WDSUB1: variants seen among roughly 807,000 people sequenced by gnomAD.
The protein encoded by WDSUB1 is WD repeat, SAM and U-box domain-containing protein 1.
In WDSUB1, 49 loss-of-function variants were observed where a neutral mutation model predicts 53.9. That is an observed-to-expected ratio of 0.91 (90% CI 0.72 to 1.15). WDSUB1 has a LOEUF of 1.15. WDSUB1 is among the 50% of genes most tolerant of loss of function. The pLI is 0.00. For synonymous variants in WDSUB1, 194 were observed against 200.6 expected (o/e 0.97, Z 0.28); for missense variants, 514 against 562.0 (o/e 0.91, Z 0.86).
At chr2:159,266,938 T>C (rs932752101) in intron 5 of WDSUB1, among the ~76,000 whole-genome samples, 2 of 151,938 alleles carry the variant, frequency 1.3e-5, no homozygotes, top group Admixed American at 6.6e-5. Flanking sequence ...CATGCTTGGG[T>C]AACTTTTTAT....
At chr2:159,282,221 C>G (rs1200257284) in intron 2 of WDSUB1, among the ~76,000 whole-genome samples, 5 of 151,692 alleles carry the variant, frequency 3.3e-5, no homozygotes, top group Admixed American at 3.3e-4. Context: ...GAGACGGAGA[C>G]TCGGTCTGTC....
chr2:159,237,394 G>A (rs571024928), intron 10 of WDSUB1, among the ~76,000 whole-genome samples: 37 of 152,196 alleles, frequency 2.4e-4, no homozygotes, highest in Non-Finnish European at 5.9e-5. Flanking sequence ...GGTGGCAGGT[G>A]CCTGTAATTC....
intron 5 of WDSUB1, among the ~76,000 whole-genome samples, chr2:159,261,882 ATATATATATATATATTTTTTTTTTTTTT>A (rs1226866106): frequency 0.056 from 1,121 of 19,868 alleles, 60 homozygotes; most frequent in Middle Eastern, 0.068. Context: ...ATATATATAT[ATATATATATATATATTTTTTTTTTTTTT>A]TTTTTTTTTT....
At chr2:159,250,751 C>T (rs759364406) in intron 9 of WDSUB1, among the ~76,000 whole-genome samples, 6 of 152,058 alleles carry the variant, frequency 3.9e-5, no homozygotes, top group Non-Finnish European at 7.4e-5. Context: ...ATAAGAGGTA[C>T]ATAAGATTAA....
Position 159,235,855 on chromosome 2 carries a change from G to C in WDSUB1, c.*178C>G. ...AGATTCTTTTCACTAGTACAAAAAG[G>C]CTTTTATAGTAAGTCCATGTGTTTT... is the stretch of plus-strand genomic sequence containing the variant. On this transcript the variant is annotated 3_prime_UTR_variant, in exon 11 of 11. Coordinates refer to ENST00000359774, the MANE Select transcript of WDSUB1 (RefSeq NM_001128212.3). 1 of 496,510 alleles carries C rather than the reference G, an allele frequency of 2.0e-6. No homozygotes were observed. Among genetic ancestry groups the C allele is most frequent in the Non-Finnish European group, 3.2e-6 (1 of 310,280 alleles). The allele number at this position is 496,510 out of a possible 1,614,324, so 30.8% of individuals were successfully genotyped here.
chr2:159,252,772 A>G (rs1157286941), intron 9 of WDSUB1, among the ~76,000 whole-genome samples: 2 of 152,240 alleles, frequency 1.3e-5, no homozygotes, highest in African/African-American at 4.8e-5. Flanking sequence ...CAGGTGATGT[A>G]TTTAAATTTC....
rs1422185616 is a variant in WDSUB1, at chr2:159,244,186, ACTT to A, written c.1273+4183_1273+4185del. ...GTGAAGGTAACAATGTCTACACACC[ACTT>A]CTTTTCAACATTGTACTGGAAATTC... On this transcript the variant is annotated intron_variant, in intron 10 of 10. Transcript: ENST00000359774. 5.9e-5 allele frequency among the ~76,000 whole-genome samples: 9 copies of A among 152,292 alleles called. No individual in the cohort carries two copies. The East Asian group carries it at 1.7e-3, about 29-fold the overall frequency.
chr2:159,265,329 T>C (rs2061321583), intron 5 of WDSUB1, among the ~76,000 whole-genome samples: 1 of 145,234 alleles, frequency 6.9e-6, no homozygotes, highest in South Asian at 2.2e-4. Context: ...TCACTCTCTC[T>C]CTTTTCTTCC....
chr2:159,285,137 A>G (rs1048608561), intron 1 of WDSUB1, among the ~76,000 whole-genome samples: 2 of 152,352 alleles, frequency 1.3e-5, no homozygotes. Context: ...CACACCATGT[A>G]AAACTGTCAG....
At chr2:159,247,713 A>G (rs1018999689) in intron 10 of WDSUB1, among the ~76,000 whole-genome samples, 3 of 151,218 alleles carry the variant, frequency 2.0e-5, no homozygotes, top group African/African-American at 7.3e-5. Context: ...AATGCCATTT[A>G]CAGTGTAAAG....
intron 5 of WDSUB1, among the ~76,000 whole-genome samples, chr2:159,263,465 C>T (rs1484895841): frequency 2.0e-5 from 3 of 152,182 alleles, no homozygotes; most frequent in Admixed American, 6.5e-5. Context: ...ATCAAAAACA[C>T]GTGTCATAGG....
chr2:159,279,669 A>T (rs924036350), intron 3 of WDSUB1, 92 bp downstream of exon 3: 1 of 1,183,098 alleles, frequency 8.5e-7, no homozygotes, highest in African/African-American at 1.5e-5. Context: ...TCTACTAATG[A>T]TAACATAAAA....
intron 2 of WDSUB1, 98 bp from the exon 3 acceptor site, chr2:159,280,043 T>C (rs754822268): frequency 5.4e-6 from 6 of 1,120,488 alleles, no homozygotes; most frequent in Non-Finnish European, 2.5e-6. Flanking sequence ...AGAGAATAAA[T>C]GGCTATCACA....
intron 10 of WDSUB1, among the ~76,000 whole-genome samples, chr2:159,239,480 G>C (rs1451550628): frequency 6.6e-6 from 1 of 152,110 alleles, no homozygotes; most frequent in Non-Finnish European, 1.5e-5. Flanking sequence ...TATAGAAAGG[G>C]TTTTTCCCTT....
At chr2:159,261,002 T>C (rs2061176647) in intron 5 of WDSUB1, among the ~76,000 whole-genome samples, 1 of 152,194 alleles carries the variant, frequency 6.6e-6, no homozygotes, top group African/African-American at 2.4e-5. Context: ...AAGTTCAAAA[T>C]AGAAATTATA....
Position 159,236,041 on chromosome 2 carries a change from GGT to G in WDSUB1, c.1421_1422del (p.His474ProfsTer15), listed in dbSNP as rs750953029. ...KMAINRWLET[H>X]QK ...ATACAATATCAACAATTTTACTTTTGGTGTGTCTCCAGCCATCTATTGATGGC... is the reference window on the plus strand; with the variant it reads ...ATACAATATCAACAATTTTACTTTTGGTGTCTCCAGCCATCTATTGATGGC... On this transcript the variant is annotated frameshift_variant, in exon 11 of 11. Transcript: ENST00000359774. LOFTEE classifies it high-confidence loss of function. 19 of 1,592,564 alleles carry G rather than the reference GGT, an allele frequency of 1.2e-5. No individual in the cohort carries two copies. The highest frequency in any genetic ancestry group is 1.5e-5 in the Non-Finnish European group (18 of 1,173,968).
In WDSUB1 at chr2:159,248,535, G is replaced by T. The variant is rs745545869; in HGVS notation, c.1133-23C>A. The T allele has an allele frequency of 2.2e-5, 33 of 1,479,140 alleles. No homozygotes were observed. In the Admixed American group the frequency reaches 8.0e-4, roughly 36 times the overall value. The allele number at this position is 1,479,140 out of a possible 1,614,324, so 91.6% of individuals were successfully genotyped here. A position where few individuals can be genotyped will look rare whatever the true frequency, so the allele number is the denominator to read the frequency against. ...ATTCTGAAAAGAAATTACTGTTAGGGCTGGATAACTACTAGTAATCCTTAC... is the reference window on the plus strand; with the variant it reads ...ATTCTGAAAAGAAATTACTGTTAGGTCTGGATAACTACTAGTAATCCTTAC... On this transcript the variant is annotated intron_variant, in intron 9 of 10. Transcript: ENST00000359774.
intron 5 of WDSUB1, among the ~76,000 whole-genome samples, chr2:159,261,878 ATATATATATATATATATATTTTTTTTTT>A (rs1302409391): frequency 0.021 from 333 of 15,750 alleles, 10 homozygotes; most frequent in Admixed American, 0.036. Flanking sequence ...ATATATATAT[ATATATATATATATATATATTTTTTTTTT>A]TTTTTTTTTT....
intron 8 of WDSUB1, among the ~76,000 whole-genome samples, chr2:159,257,387 CT>C (rs11324351): frequency 0.34 from 47,616 of 139,558 alleles, 9,920 homozygotes; most frequent in Non-Finnish European, 0.52. Context: ...GATTTACTAA[CT>C]TTTTTTTTTT....
Sources: allele counts gnomAD v4.1 joint callset (sites outside exome capture counted in the v4.1 genomes callset), GRCh38; gene constraint gnomAD v4.1.1; transcripts MANE v1.5; gene names NCBI Gene and HGNC (gene_info 2026-07-23, HGNC 2026-07-21).